The following PIK3R3 variants were observed in gnomAD, a reference collection of about 807,000 sequenced individuals.
PIK3R3 encodes phosphatidylinositol 3-kinase regulatory subunit gamma.
Under a neutral mutation model 62.9 loss-of-function variants are expected in PIK3R3, and 64 were observed. That is an observed-to-expected ratio of 1.02 (90% CI 0.83 to 1.25). The LOEUF is 1.25. Among genes scored for constraint, PIK3R3 ranks in the 50% most tolerant of loss-of-function variants. The probability of loss-of-function intolerance (pLI) is 0.00; values close to 1 mark genes in which losing one functional copy is unlikely to be tolerated. For missense variants in PIK3R3, 614 were observed against 561.6 expected (o/e 1.09, Z -0.94); for synonymous variants, 165 against 189.0 (o/e 0.87, Z 1.04).
At chr1:46,094,980 T>C (rs1367311776) in intron 1 of PIK3R3, among the ~76,000 whole-genome samples, 3 of 152,224 alleles carry the variant, frequency 2.0e-5, no homozygotes, top group Non-Finnish European at 4.4e-5. Flanking sequence ...GATATTTTCA[T>C]AAAATTATAC....
chr1:46,043,638 A>C lies in PIK3R3; in HGVS notation c.*35T>G, dbSNP rs779056782. On this transcript the variant is annotated 3_prime_UTR_variant, in exon 10 of 10. Transcript: ENST00000262741. ...TAGTCTAATAAAAACTGTAGAAAAA[A>C]ATGCCAGAGAACCACCTCTCTTCCC... The C allele has an allele frequency of 1.9e-6, 3 of 1,581,932 alleles. No individual in the cohort carries two copies. Among genetic ancestry groups the C allele is most frequent in the Non-Finnish European group, 2.6e-6 (3 of 1,151,198 alleles).
intron 1 of PIK3R3, among the ~76,000 whole-genome samples, chr1:46,130,890 C>T (rs1209537189): frequency 6.6e-6 from 1 of 152,134 alleles, no homozygotes; most frequent in Non-Finnish European, 1.5e-5. Flanking sequence ...AGCTAATAAT[C>T]ATAAAATGGG....
upstream of PIK3R3, among the ~76,000 whole-genome samples, chr1:46,134,161 C>T (rs557131292): frequency 6.6e-6 from 1 of 152,312 alleles, no homozygotes; most frequent in Admixed American, 6.5e-5. Flanking sequence ...ACAGGAGTAA[C>T]AAAGCCCATT....
chr1:46,139,852 A>C, the PIK3R3 span, among the ~76,000 whole-genome samples: 2 of 152,192 alleles, frequency 1.3e-5, no homozygotes, highest in Non-Finnish European at 2.9e-5. Context: ...TTCTTTTCCA[A>C]GACAATGGAG....
intron 1 of PIK3R3, among the ~76,000 whole-genome samples, chr1:46,087,700 G>A (rs994982934): frequency 6.7e-6 from 1 of 148,418 alleles, no homozygotes; most frequent in Non-Finnish European, 1.5e-5. Context: ...CTCCCAAAGT[G>A]CTGGAGTACA....
intron 1 of PIK3R3, among the ~76,000 whole-genome samples, chr1:46,086,545 C>A (rs1470045756): frequency 6.6e-6 from 1 of 151,830 alleles, no homozygotes; most frequent in Non-Finnish European, 1.5e-5. Flanking sequence ...ACTAAAAATA[C>A]AAAAATTAGC....
At chr1:46,159,226 T>C in the PIK3R3 span, among the ~76,000 whole-genome samples, 1 of 152,204 alleles carries the variant, frequency 6.6e-6, no homozygotes, top group Non-Finnish European at 1.5e-5. Context: ...ATACTACCTA[T>C]TTTATTCATT....
chr1:46,091,126 C>T (rs1272009343), intron 1 of PIK3R3, among the ~76,000 whole-genome samples: 1 of 150,734 alleles, frequency 6.6e-6, no homozygotes, highest in African/African-American at 2.4e-5. Context: ...ACCACTGTGA[C>T]CAGCATTTTA....
chr1:46,088,729 T>C (rs1211412437), intron 1 of PIK3R3, among the ~76,000 whole-genome samples: 2 of 151,504 alleles, frequency 1.3e-5, no homozygotes, highest in Non-Finnish European at 2.9e-5. Context: ...TAAGAAAAAA[T>C]TTTCAGAACT....
intron 7 of PIK3R3, 133 bp downstream of exon 7, chr1:46,055,662 C>T (rs139155816): frequency 3.4e-4 from 226 of 660,108 alleles, no homozygotes; most frequent in Non-Finnish European, 5.2e-4. Context: ...GGACACTTTC[C>T]TAAATTCTTA....
intron 3 of PIK3R3, among the ~76,000 whole-genome samples, chr1:46,074,314 AAAAC>A (rs138514063): frequency 0.17 from 16,516 of 97,892 alleles, 3,609 homozygotes; most frequent in East Asian, 0.3. Flanking sequence ...AAAAAAAAAA[AAAAC>A]CAATAAATTC....
chr1:46,045,804 C>CA (rs774026460), intron 9 of PIK3R3, 114 bp downstream of exon 9: 12 of 883,832 alleles, frequency 1.4e-5, no homozygotes, highest in Middle Eastern at 2.2e-4. Context: ...TGGTCCGAGC[C>CA]ATGGGTCCTC....
intron 1 of PIK3R3, among the ~76,000 whole-genome samples, chr1:46,110,277 T>A (rs1012923475): frequency 4.3e-4 from 8 of 18,606 alleles, no homozygotes; most frequent in Non-Finnish European, 1.0e-3. Flanking sequence ...AGGCTTGGCT[T>A]TTTTTTTTTT....
chr1:46,088,396 GA>G (rs200390620), intron 1 of PIK3R3, among the ~76,000 whole-genome samples: 1 of 151,434 alleles, frequency 6.6e-6, no homozygotes, highest in Non-Finnish European at 1.5e-5. Context: ...GAATTAAAGG[GA>G]AAAAAAACTT....
intron 7 of PIK3R3, among the ~76,000 whole-genome samples, chr1:46,053,855 T>C (rs1647609353): frequency 6.6e-6 from 1 of 152,188 alleles, no homozygotes; most frequent in South Asian, 2.1e-4. Flanking sequence ...TTTTGGTGTA[T>C]AGCATAGCCT....
At chr1:46,132,928 G>A (rs936407312), upstream of PIK3R3, 14 of 1,165,726 alleles carry the variant, frequency 1.2e-5, no homozygotes, top group African/African-American at 1.6e-5. Flanking sequence ...GTACGATCCG[G>A]GCGCTGGCCG....
At chr1:46,051,105 T>C in intron 7 of PIK3R3, among the ~76,000 whole-genome samples, 1 of 152,114 alleles carries the variant, frequency 6.6e-6, no homozygotes, top group East Asian at 1.9e-4. Context: ...GATGAAAATG[T>C]TCTAAAATAT....
chr1:46,067,731 C>T (rs1239008296), intron 3 of PIK3R3, among the ~76,000 whole-genome samples: 1 of 152,146 alleles, frequency 6.6e-6, no homozygotes, highest in Non-Finnish European at 1.5e-5. Context: ...GCAATCACAA[C>T]ATGTAAATGA....
At chr1:46,093,236 A>G (rs912741622) in intron 1 of PIK3R3, among the ~76,000 whole-genome samples, 1 of 152,204 alleles carries the variant, frequency 6.6e-6, no homozygotes, top group Non-Finnish European at 1.5e-5. Flanking sequence ...GAGATCATAA[A>G]CTAGTAGATC....
Sources: allele counts gnomAD v4.1 joint callset (sites outside exome capture counted in the v4.1 genomes callset), GRCh38; gene constraint gnomAD v4.1.1; transcripts MANE v1.5; gene names NCBI Gene and HGNC (gene_info 2026-07-23, HGNC 2026-07-21).